ZNF653: variants seen among roughly 807,000 people sequenced by gnomAD.
ZNF653 encodes zinc finger protein 653.
In ZNF653, 37 loss-of-function variants were observed where a neutral mutation model predicts 59.9. The observed-to-expected ratio is 0.62, with a 90% CI of 0.48 to 0.81. The LOEUF (loss-of-function observed/expected upper bound fraction) is 0.81. Ranked by LOEUF, ZNF653 falls within the 40% of genes least tolerant of loss-of-function variation. ZNF653 has a pLI of 0.00. For missense variants in ZNF653, 808 were observed against 881.1 expected, an observed-to-expected ratio of 0.92 and a Z score of 1.05; for synonymous variants, 435 against 371.8, an observed-to-expected ratio of 1.17 and a Z score of -1.96.
At chr19:11,503,557 A>G in intron 1 of ZNF653, among the ~76,000 whole-genome samples, 1 of 152,180 alleles carries the variant, frequency 6.6e-6, no homozygotes, top group Non-Finnish European at 1.5e-5. Context: ...CTTTAATCCC[A>G]GCACTTCGGG....
At chr19:11,499,365 C>CT (rs1271302170) in intron 1 of ZNF653, among the ~76,000 whole-genome samples, 3 of 152,156 alleles carry the variant, frequency 2.0e-5, no homozygotes, top group Non-Finnish European at 4.4e-5. Context: ...GGTTAGGTGA[C>CT]TGTGAGTTAA....
At chr19:11,490,369 T>G (rs958048503) in intron 3 of ZNF653, among the ~76,000 whole-genome samples, 1 of 151,984 alleles carries the variant, frequency 6.6e-6, no homozygotes, top group African/African-American at 2.4e-5. Flanking sequence ...TCAAGAGGGT[T>G]TTTGTTGTTC....
intron 7 of ZNF653, 110 bp from the exon 8 acceptor site, chr19:11,484,251 G>GGA: frequency 1.1e-6 from 1 of 880,230 alleles, no homozygotes; most frequent in Non-Finnish European, 1.8e-6. Context: ...GGATCTCCCA[G>GGA]GACTGCAGGT....
At chr19:11,483,983 A>C in intron 8 of ZNF653, 59 bp downstream of exon 8, 1 of 1,536,398 alleles carries the variant, frequency 6.5e-7, no homozygotes, top group Non-Finnish European at 8.8e-7. Context: ...CGCCCCTGGG[A>C]CCTGCTGGGA....
At chr19:11,505,398 G>T in intron 1 of ZNF653, 90 bp downstream of exon 1, 2 of 1,291,876 alleles carry the variant, frequency 1.5e-6, no homozygotes, top group Non-Finnish European at 2.0e-6. Flanking sequence ...GGTGCCGGGG[G>T]CTGGCCCTAG....
chr19:11,494,377 CATAAA>C (rs1474365794), intron 3 of ZNF653, among the ~76,000 whole-genome samples: 1 of 131,876 alleles, frequency 7.6e-6, no homozygotes, highest in African/African-American at 3.4e-5. Context: ...CATAACATAA[CATAAA>C]ACATAACATA....
intron 1 of ZNF653, among the ~76,000 whole-genome samples, chr19:11,501,985 G>T (rs572239254): frequency 1.3e-5 from 2 of 152,150 alleles, no homozygotes; most frequent in South Asian, 4.2e-4. Context: ...AGTAGAGACG[G>T]GGTTTCAATA....
In ZNF653 at chr19:11,495,426, C is replaced by G. The variant is rs1359959245; in HGVS notation, c.559+524G>C. The stretch of plus-strand genomic sequence containing the variant: ...AGCTCAAGGGAGGAGAAATGGGGAA[C>G]AGGAGGGAAACAGAATGGAGGGGGA... On this transcript the variant is annotated intron_variant, in intron 3 of 8. Transcript: ENST00000293771. The surrounding 1 kb of genome is among the most constrained non-coding windows in gnomAD (Gnocchi z 4.9). The G allele has an allele frequency of 1.8e-5, 3 of 164,024 alleles. No individual in the cohort carries two copies. The highest frequency in any genetic ancestry group is 4.0e-5 in the Non-Finnish European group (3 of 74,682). The allele number at this position is 164,024 out of a possible 1,614,324, so 10.2% of individuals were successfully genotyped here. A position where few individuals can be genotyped will look rare whatever the true frequency, so the allele number is the denominator to read the frequency against.
At position 11,495,683 on chromosome 19, in the gene ZNF653, C is replaced by T. The variant is rs911255250; in HGVS notation, c.559+267G>A. Reference sequence around the variant, plus strand: ...AAGCCAGGGCTCCTGGGCCCTCAGCCAGCCCTGCCTGGGACTGGCCTTGGG... The same window carrying T: ...AAGCCAGGGCTCCTGGGCCCTCAGCTAGCCCTGCCTGGGACTGGCCTTGGG... On this transcript the variant is annotated intron_variant, in intron 3 of 8. Coordinates refer to ENST00000293771, the MANE Select transcript of ZNF653 (RefSeq NM_138783.4). This position sits in a 1 kb window ranked among gnomAD's most constrained non-coding sequence, Gnocchi z 4.9. 3 of 470,230 alleles carry T rather than the reference C, an allele frequency of 6.4e-6. No homozygotes were observed. Among genetic ancestry groups the T allele is most frequent in the East Asian group, 4.1e-5 (1 of 24,390 alleles). 29.1% of individuals were successfully genotyped at this position (470,230 alleles called of 1,614,324 possible). A position where few individuals can be genotyped will look rare whatever the true frequency, so the allele number is the denominator to read the frequency against.
At chr19:11,493,030 G>C (rs1381274994) in intron 3 of ZNF653, among the ~76,000 whole-genome samples, 2 of 150,174 alleles carry the variant, frequency 1.3e-5, no homozygotes, top group Non-Finnish European at 3.0e-5. Flanking sequence ...GGCATTACAG[G>C]TGTGAGCCAC....
Position 11,498,360 on chromosome 19 carries a change from G to C in ZNF653, c.300-21C>G, listed in dbSNP as rs1239020046. 6 of 1,613,904 alleles carry C rather than the reference G, an allele frequency of 3.7e-6. No individual in the cohort carries two copies. In the East Asian group the frequency reaches 6.7e-5, roughly 18 times the overall value. On this transcript the variant is annotated intron_variant, in intron 1 of 8. Coordinates refer to ENST00000293771, the MANE Select transcript of ZNF653 (RefSeq NM_138783.4). ...GCTTCCTGCAACAGAAAGAGGCAGAGAGGGTGAACGGGGGACCAGCGCTGG... is the reference window on the plus strand; with the variant it reads ...GCTTCCTGCAACAGAAAGAGGCAGACAGGGTGAACGGGGGACCAGCGCTGG...
intron 1 of ZNF653, among the ~76,000 whole-genome samples, chr19:11,499,872 C>T (rs1971626185): frequency 6.6e-6 from 1 of 152,020 alleles, no homozygotes; most frequent in Admixed American, 6.6e-5. Context: ...ATGATCACAC[C>T]ACTGCACTCC....
chr19:11,502,166 A>T (rs972278660), intron 1 of ZNF653, among the ~76,000 whole-genome samples: 3 of 151,248 alleles, frequency 2.0e-5, no homozygotes, highest in South Asian at 4.2e-4. Flanking sequence ...ATCTCGGCTC[A>T]CTGCAACCTC....
rs1007496091 is a variant in ZNF653, at chr19:11,496,159, C to T, written c.350G>A (p.Arg117Gln). 5.0e-6 allele frequency: 8 copies of T among 1,613,448 alleles called. No individual in the cohort carries two copies. Among genetic ancestry groups the T allele is most frequent in the Non-Finnish European group, 4.2e-6 (5 of 1,179,968 alleles). ...GTTCTTCAGGCAGTTCACGTTGCGT[C>T]GCCGCCCTATGGACACAGGGCCGAG... is the stretch of plus-strand genomic sequence containing the variant. Reference protein sequence around the residue: ...PKKPKRKKRRRRNVNCLKNVV... With the variant: ...PKKPKRKKRRQRNVNCLKNVV... Residue 117 changes from arginine (R) to glutamine (Q), a missense_variant, in exon 3 of 9, where the codon CGA becomes CAA. Coordinates refer to ENST00000293771, the MANE Select transcript of ZNF653 (RefSeq NM_138783.4).
chr19:11,498,410 CA>C, intron 1 of ZNF653, 71 bp from the exon 2 acceptor site: 1 of 1,600,598 alleles, frequency 6.2e-7, no homozygotes. Context: ...TGAGTAACAA[CA>C]GTGGCTAGAG....
At chr19:11,494,631 TG>T (rs1971565563) in intron 3 of ZNF653, among the ~76,000 whole-genome samples, 1 of 152,156 alleles carries the variant, frequency 6.6e-6, no homozygotes, top group Admixed American at 6.6e-5. Flanking sequence ...TGGCTTGCAG[TG>T]AGCCGAGATC....
Position 11,487,477 on chromosome 19 carries a change from G to A in ZNF653, c.986C>T (p.Ala329Val), listed in dbSNP as rs781614949. The change falls in exon 4 of 9, where the codon GCT (alanine) becomes GTT (valine). Residue 329 changes from alanine to valine, a missense_variant. Coordinates refer to ENST00000293771, the MANE Select transcript of ZNF653 (RefSeq NM_138783.4). The surrounding 1 kb of genome is among the most constrained non-coding windows in gnomAD (Gnocchi z 5.1). ...GAGGTGAATGCCCTCGGCCGTGAGAGCGTCGTAACCAGGGCCCGCAATGAT... is the reference window on the plus strand; with the variant it reads ...GAGGTGAATGCCCTCGGCCGTGAGAACGTCGTAACCAGGGCCCGCAATGAT... ...VIIIAGPGYD[A>V]LTAEGIHLNM... 1 of 1,613,474 alleles carries A rather than the reference G, an allele frequency of 6.2e-7. No homozygotes were observed. Among genetic ancestry groups the A allele is most frequent in the Non-Finnish European group, 8.5e-7 (1 of 1,179,990 alleles).
Position 11,487,787 on chromosome 19 carries a change from T to TCGCTGC in ZNF653, c.670_675dup (p.Ala224_Ala225dup), listed in dbSNP as rs539990039. On this transcript the variant is annotated inframe_insertion, in exon 4 of 9. Transcript: ENST00000293771. The surrounding 1 kb of genome is among the most constrained non-coding windows in gnomAD (Gnocchi z 5.1). ...CTGCTGCCCACCGGGCTGGTGGGCGTCGCTGCCGCTGCCGCTGCCGCAGCC... is the reference window on the plus strand; with the variant it reads ...CTGCTGCCCACCGGGCTGGTGGGCGTCGCTGCCGCTGCCGCTGCCGCTGCCGCAGCC... The TCGCTGC allele has an allele frequency of 1.0e-3, 1,673 of 1,611,398 alleles. 16 individuals carry two copies. In the African/African-American group the frequency reaches 0.017, roughly 16 times the overall value.
At chr19:11,496,831 C>T (rs1475813648) in intron 2 of ZNF653, among the ~76,000 whole-genome samples, 1 of 152,198 alleles carries the variant, frequency 6.6e-6, no homozygotes, top group Admixed American at 6.5e-5. Flanking sequence ...CGCAACACTG[C>T]ACTCCAGCCT....
Sources: gnomAD v4.1 joint callset for allele counts (sites outside exome capture counted in the v4.1 genomes callset) on GRCh38, gnomAD v4.1.1 for gene constraint, Gnocchi (gnomAD v3.1) non-coding constraint, MANE v1.5 for transcripts, NCBI Gene and HGNC (gene_info 2026-07-23, HGNC 2026-07-21) for gene names.